The following DIAPH2 variants were observed in gnomAD, a reference collection of about 807,000 sequenced individuals.
The protein encoded by DIAPH2 is diaphanous related formin 2.
A neutral mutation model predicts 92.7 loss-of-function variants in DIAPH2; 35 were observed. The ratio of observed to expected loss-of-function variants is 0.38; its 90% CI spans 0.29 to 0.50. The LOEUF is 0.50. Among genes scored for constraint, DIAPH2 ranks in the 20% least tolerant of loss-of-function variants. The pLI, the probability that DIAPH2 is intolerant of heterozygous loss-of-function variation, is 0.94. For missense variants in DIAPH2, 701 were observed against 819.5 expected (o/e 0.86, Z 1.77); for synonymous variants, 301 against 280.4 (o/e 1.07, Z -0.73).
At chrX:97,192,288 C>T (rs1288306941) in intron 22 of DIAPH2, among the ~76,000 whole-genome samples, 9 of 78,311 alleles carry the variant, frequency 1.1e-4, no homozygotes, top group East Asian at 3.6e-4. Context: ...AGTGAGACTC[C>T]GTCTCAAAAA....
At chrX:96,948,065 C>CT (rs1456997573) in intron 14 of DIAPH2, among the ~76,000 whole-genome samples, 1 of 112,049 alleles carries the variant, frequency 8.9e-6, no homozygotes, top group Non-Finnish European at 1.9e-5. Context: ...AATGAGACTG[C>CT]TATTAGGGCA....
At chrX:97,408,856 A>G (rs1311666886) in intron 25 of DIAPH2, among the ~76,000 whole-genome samples, 1 of 112,320 alleles carries the variant, frequency 8.9e-6, no homozygotes, top group Non-Finnish European at 1.9e-5. Flanking sequence ...AGGTATGTAC[A>G]AAATGATAAA....
chrX:97,177,447 A>G (rs1286443046), intron 22 of DIAPH2, among the ~76,000 whole-genome samples: 1 of 110,856 alleles, frequency 9.0e-6, no homozygotes, highest in African/African-American at 3.3e-5. Context: ...TGCTGATTTC[A>G]CTCACCAAAC....
intron 22 of DIAPH2, among the ~76,000 whole-genome samples, chrX:97,230,418 TAAAAG>T (rs756799700): frequency 4.4e-4 from 49 of 112,122 alleles, no homozygotes; most frequent in African/African-American, 1.1e-3. Flanking sequence ...TGTAGAAACT[TAAAAG>T]GAAAGAGCCA....
chrX:97,106,427 AT>A (rs1287231594), intron 20 of DIAPH2, among the ~76,000 whole-genome samples: 2 of 111,564 alleles, frequency 1.8e-5, no homozygotes, highest in Admixed American at 9.6e-5. Context: ...TCTTATAATC[AT>A]TTTTTTGTGA....
intron 5 of DIAPH2, among the ~76,000 whole-genome samples, chrX:96,905,400 ATGT>A (rs1209670285): frequency 9.0e-6 from 1 of 111,395 alleles, no homozygotes; most frequent in Non-Finnish European, 1.9e-5. Flanking sequence ...AAACTGTGAA[ATGT>A]TGTCCTTTAT....
At chrX:97,504,016 T>C (rs1024298749) in intron 26 of DIAPH2, among the ~76,000 whole-genome samples, 1 of 111,676 alleles carries the variant, frequency 9.0e-6, no homozygotes, top group Admixed American at 9.5e-5. Flanking sequence ...TAGTGATGAG[T>C]GATGTGTCTA....
At position 96,908,271 on chromosome X, in the gene DIAPH2, A is replaced by G. The variant is rs778646289; in HGVS notation, c.588-4057A>G. On this transcript the variant is annotated intron_variant, in intron 5 of 26. Coordinates refer to ENST00000324765, the MANE Select transcript of DIAPH2 (RefSeq NM_006729.5). ...CCTCAGTAAAAAGGAAAGAAAAAAT[A>G]ACTCATGTTTGGGTTGGTTATGAAA... is the stretch of plus-strand genomic sequence containing the variant. Among the ~76,000 whole-genome samples the G allele has an allele frequency of 3.6e-5, 4 of 111,859 alleles. No individual in the cohort carries two copies. In the East Asian group the frequency reaches 1.1e-3, roughly 31 times the overall value.
chrX:97,251,541 C>T (rs187897376), intron 23 of DIAPH2, among the ~76,000 whole-genome samples: 3 of 109,825 alleles, frequency 2.7e-5, no homozygotes, highest in African/African-American at 6.6e-5. Context: ...ATCCTGCCTC[C>T]GCCTCCCGAG....
intron 23 of DIAPH2, among the ~76,000 whole-genome samples, chrX:97,272,415 A>G (rs1411955569): frequency 8.9e-6 from 1 of 112,086 alleles, no homozygotes; most frequent in Non-Finnish European, 1.9e-5. Context: ...CATGATAGAA[A>G]ACTTTAATGT....
rs374396983 is a variant in DIAPH2 at position 97,428,101 on chromosome X, AT to A, written c.3146-1538del. On this transcript the variant is annotated intron_variant, in intron 25 of 26. Transcript: ENST00000324765. ...CCTGAGAACCTCAGTGTTTCTCTTC[AT>A]TTTTTTTTTTCATTCAATACCCCAT... is the stretch of plus-strand genomic sequence containing the variant. Among the ~76,000 whole-genome samples, 503 of 104,625 alleles carry A rather than the reference AT, an allele frequency of 4.8e-3. 1 individual carries two copies. The highest frequency in any genetic ancestry group is 0.034 in the Middle Eastern group (7 of 207). The allele number at this position is 104,625 out of a possible 115,157, so 90.9% of individuals were successfully genotyped here. A position where few individuals can be genotyped will look rare whatever the true frequency, so the allele number is the denominator to read the frequency against.
At chrX:97,340,794 T>A (rs2069106904) in intron 23 of DIAPH2, among the ~76,000 whole-genome samples, 1 of 107,654 alleles carries the variant, frequency 9.3e-6, no homozygotes. Context: ...TAGCTGGGAT[T>A]ACAGGTACCC....
At chrX:97,105,101 A>G (rs1312322172) in intron 20 of DIAPH2, among the ~76,000 whole-genome samples, 1 of 111,873 alleles carries the variant, frequency 8.9e-6, no homozygotes, top group Non-Finnish European at 1.9e-5. Flanking sequence ...ACTGCACTCC[A>G]GCCTGGGCAA....
intron 4 of DIAPH2, among the ~76,000 whole-genome samples, chrX:96,791,605 G>A (rs1336545871): frequency 6.5e-5 from 7 of 108,193 alleles, no homozygotes; most frequent in African/African-American, 2.4e-4. Context: ...CCCATGGGGA[G>A]GAAAAAACCC....
At chrX:97,393,467 T>C (rs750858623) in intron 25 of DIAPH2, among the ~76,000 whole-genome samples, 1 of 112,170 alleles carries the variant, frequency 8.9e-6, no homozygotes, top group East Asian at 2.8e-4. Flanking sequence ...ATACCACTTA[T>C]TTAAATGTAA....
intron 3 of DIAPH2, among the ~76,000 whole-genome samples, chrX:96,750,619 T>C (rs772084407): frequency 1.1e-3 from 124 of 112,193 alleles, no homozygotes; most frequent in Non-Finnish European, 2.0e-3. Context: ...ATTTTGGTTA[T>C]GTGTTTTCTC....
At chrX:97,360,995 G>A (rs1192056236) in intron 24 of DIAPH2, among the ~76,000 whole-genome samples, 2 of 108,768 alleles carry the variant, frequency 1.8e-5, no homozygotes, top group Non-Finnish European at 3.8e-5. Context: ...TCAGCCTCTT[G>A]AGTAGCTAGG....
At chrX:97,489,991 G>A (rs566875291) in intron 26 of DIAPH2, among the ~76,000 whole-genome samples, 2 of 111,551 alleles carry the variant, frequency 1.8e-5, no homozygotes, top group Admixed American at 1.9e-4. Context: ...AAGTGTTGGG[G>A]TTAATTCTTC....
At chrX:97,592,755 T>C (rs7052052) in intron 26 of DIAPH2, among the ~76,000 whole-genome samples, 4,144 of 112,112 alleles carry the variant, frequency 0.037, 190 homozygotes, top group African/African-American at 0.13. Flanking sequence ...TCATTACATG[T>C]GCTTAACTCC....
Sources: allele counts gnomAD v4.1 joint callset (sites outside exome capture counted in the v4.1 genomes callset), GRCh38; gene constraint gnomAD v4.1.1; transcripts MANE v1.5; gene names NCBI Gene and HGNC (gene_info 2026-07-23, HGNC 2026-07-21).